The following DNAJC1 variants were observed in gnomAD, a reference collection of about 807,000 sequenced individuals.
DNAJC1 encodes the protein dnaJ homolog subfamily C member 1.
DNAJC1 carries 58 observed loss-of-function variants against 76.6 expected under a neutral mutation model. The observed-to-expected ratio is 0.76, with a 90% confidence interval of 0.61 to 0.94. The LOEUF (loss-of-function observed/expected upper bound fraction) is 0.94. Ranked by LOEUF, DNAJC1 falls within the 40% of genes least tolerant of loss-of-function variation. The pLI, the probability that DNAJC1 is intolerant of heterozygous loss-of-function variation, is 0.00. For missense variants in DNAJC1, 689 were observed against 677.3 expected (o/e 1.02, Z -0.19); for synonymous variants, 258 against 267.9 (o/e 0.96, Z 0.36).
intron 8 of DNAJC1, among the ~76,000 whole-genome samples, chr10:21,839,231 G>C (rs1835527989): frequency 6.6e-6 from 1 of 152,052 alleles, no homozygotes; most frequent in African/African-American, 2.4e-5. Context: ...GCTAACAGAA[G>C]GCAAGAAATA....
intron 10 of DNAJC1, 68 bp downstream of exon 10, chr10:21,766,193 A>T: frequency 8.7e-7 from 1 of 1,152,330 alleles, no homozygotes. Flanking sequence ...TAAAGAAGTT[A>T]TTATAAAAAG....
chr10:21,976,985 AG>A (rs577428060), intron 1 of DNAJC1, among the ~76,000 whole-genome samples: 153 of 152,276 alleles, frequency 1.0e-3, no homozygotes, highest in African/African-American at 3.5e-3. Flanking sequence ...GCATCAGTAA[AG>A]GGGCAATGGG....
chr10:21,895,736 A>C (rs1346851840), intron 7 of DNAJC1, among the ~76,000 whole-genome samples: 2 of 152,156 alleles, frequency 1.3e-5, no homozygotes, highest in African/African-American at 4.8e-5. Context: ...TGGAAGAATG[A>C]CCGCAAAGGC....
chr10:21,877,917 G>A (rs1305037664), intron 8 of DNAJC1, among the ~76,000 whole-genome samples: 2 of 152,154 alleles, frequency 1.3e-5, no homozygotes, highest in African/African-American at 4.8e-5. Flanking sequence ...TATTTTGCAT[G>A]CTTATGTACT....
chr10:21,845,406 G>A (rs764626047), intron 8 of DNAJC1, among the ~76,000 whole-genome samples: 1 of 150,608 alleles, frequency 6.6e-6, no homozygotes, highest in African/African-American at 2.4e-5. Context: ...CCAGGCTGGA[G>A]CACAGTGGTG....
chr10:21,956,391 C>A (rs773908793), intron 1 of DNAJC1, among the ~76,000 whole-genome samples: 18 of 151,904 alleles, frequency 1.2e-4, no homozygotes, highest in Non-Finnish European at 1.9e-4. Flanking sequence ...TTACATCATA[C>A]TATCATGACA....
At chr10:21,836,648 G>A (rs925391541) in intron 8 of DNAJC1, among the ~76,000 whole-genome samples, 17 of 151,406 alleles carry the variant, frequency 1.1e-4, no homozygotes, top group African/African-American at 3.9e-4. Flanking sequence ...CCAAGCAAAT[G>A]GAAAACAAAA....
intron 8 of DNAJC1, among the ~76,000 whole-genome samples, chr10:21,837,729 G>A (rs369820990): frequency 6.0e-5 from 9 of 149,732 alleles, no homozygotes; most frequent in Middle Eastern, 3.5e-3. Flanking sequence ...CGCCCCGTCC[G>A]GGAAGTGAGG....
intron 8 of DNAJC1, among the ~76,000 whole-genome samples, chr10:21,831,945 T>C (rs574849618): frequency 4.1e-4 from 62 of 152,272 alleles, no homozygotes; most frequent in African/African-American, 1.4e-3. Flanking sequence ...TAGGTAGATA[T>C]ATATATAAAA....
At chr10:21,997,965 A>G (rs1187321859) in intron 1 of DNAJC1, among the ~76,000 whole-genome samples, 1 of 152,222 alleles carries the variant, frequency 6.6e-6, no homozygotes, top group Non-Finnish European at 1.5e-5. Context: ...TAAATACTAC[A>G]AAATTTAAGA....
At chr10:21,996,860 A>G (rs1212000575) in intron 1 of DNAJC1, among the ~76,000 whole-genome samples, 2 of 152,186 alleles carry the variant, frequency 1.3e-5, no homozygotes, top group Non-Finnish European at 2.9e-5. Context: ...TAATTTTATG[A>G]TAATTCTATC....
chr10:21,877,864 T>A (rs936858517), intron 8 of DNAJC1, among the ~76,000 whole-genome samples: 1 of 152,248 alleles, frequency 6.6e-6, no homozygotes, highest in Non-Finnish European at 1.5e-5. Flanking sequence ...AACAGCCTAC[T>A]GTTGACTGGA....
intron 6 of DNAJC1, among the ~76,000 whole-genome samples, chr10:21,904,913 T>C (rs1182186914): frequency 1.3e-5 from 2 of 152,090 alleles, no homozygotes; most frequent in African/African-American, 4.8e-5. Flanking sequence ...TACTGTTGCA[T>C]ATACAGAGAG....
intron 8 of DNAJC1, among the ~76,000 whole-genome samples, chr10:21,835,645 C>T (rs890436143): frequency 6.6e-6 from 1 of 152,194 alleles, no homozygotes; most frequent in African/African-American, 2.4e-5. Flanking sequence ...CCTGATGGAG[C>T]TGAAAACCAA....
At chr10:21,867,186 T>C (rs1812260494) in intron 8 of DNAJC1, among the ~76,000 whole-genome samples, 1 of 151,928 alleles carries the variant, frequency 6.6e-6, no homozygotes, top group African/African-American at 2.4e-5. Flanking sequence ...AAAACAAGCA[T>C]ACAATATACA....
At chr10:21,837,971 A>C (rs564543866) in intron 8 of DNAJC1, among the ~76,000 whole-genome samples, 87 of 142,408 alleles carry the variant, frequency 6.1e-4, no homozygotes, top group African/African-American at 2.1e-3. Flanking sequence ...GGTGGGGGGC[A>C]GTCCCCGCCC....
Position 22,003,250 on chromosome 10 carries a change from A to G in DNAJC1, c.185T>C (p.Val62Ala). 6.4e-7 allele frequency: 1 copy of G among 1,566,670 alleles called. No homozygotes were observed. The highest frequency in any genetic ancestry group is 1.4e-5 in the African/African-American group (1 of 71,550). The change falls in exon 1 of 12, where the codon GTG becomes GCG. Residue 62 changes from valine to alanine, a missense_variant. Physicochemically the swap from Val to Ala is moderately conservative, Grantham distance 64. Coordinates refer to ENST00000376980, the MANE Select transcript of DNAJC1 (RefSeq NM_022365.4). The stretch of plus-strand genomic sequence containing the variant: ...GAGGAACTGGTAGAAGTTGAGCTGC[A>G]CCTCCTCCACTAAGTCAAACAACTC... ...DLELFDLVEE[V>A]QLNFYQFLGV...
At chr10:21,849,713 CA>C (rs1057175296) in intron 8 of DNAJC1, among the ~76,000 whole-genome samples, 2 of 151,744 alleles carry the variant, frequency 1.3e-5, no homozygotes, top group Admixed American at 1.3e-4. Context: ...CAAAAATCAT[CA>C]AAAAAATATT....
intron 8 of DNAJC1, among the ~76,000 whole-genome samples, chr10:21,872,532 A>G (rs1023281033): frequency 2.0e-5 from 3 of 152,218 alleles, no homozygotes; most frequent in Non-Finnish European, 2.9e-5. Flanking sequence ...TAACTGAGAT[A>G]AAAAATTCTC....
Sources: gnomAD v4.1 joint callset for allele counts (sites outside exome capture counted in the v4.1 genomes callset) on GRCh38, gnomAD v4.1.1 for gene constraint, MANE v1.5 for transcripts, NCBI Gene and HGNC (gene_info 2026-07-23, HGNC 2026-07-21) for gene names.